Variants in ZYG11B observed in about 807,000 individuals in gnomAD.
The protein encoded by ZYG11B is protein zyg-11 homolog B.
In ZYG11B, 36 loss-of-function variants were observed where a neutral mutation model predicts 82.4. The observed-to-expected ratio is 0.44, with a 90% CI of 0.33 to 0.58. The LOEUF is 0.58. ZYG11B is among the 20% of genes least tolerant of loss of function. The probability of loss-of-function intolerance (pLI) is 0.02; values close to 1 mark genes in which losing one functional copy is unlikely to be tolerated. For missense variants in ZYG11B, 552 were observed against 895.6 expected, an observed-to-expected ratio of 0.62 and a Z score of 4.90; for synonymous variants, 303 against 312.8, an observed-to-expected ratio of 0.97 and a Z score of 0.33.
intron 10 of ZYG11B, among the ~76,000 whole-genome samples, chr1:52,802,523 G>A (rs1007490646): frequency 6.6e-6 from 1 of 151,178 alleles, no homozygotes; most frequent in Non-Finnish European, 1.5e-5. Context: ...GCTAATTTTT[G>A]TATTTTTTGT....
intron 6 of ZYG11B, among the ~76,000 whole-genome samples, chr1:52,793,373 G>A (rs932525262): frequency 2.6e-5 from 4 of 151,986 alleles, no homozygotes; most frequent in Non-Finnish European, 5.9e-5. Flanking sequence ...AGCCAGGTGT[G>A]GTGGCGGCTC....
chr1:52,795,823 A>G (rs1400235416), intron 6 of ZYG11B, among the ~76,000 whole-genome samples: 1 of 152,156 alleles, frequency 6.6e-6, no homozygotes, highest in African/African-American at 2.4e-5. Context: ...TGTAAGCTCT[A>G]TGAAAGTAGG....
intron 2 of ZYG11B, among the ~76,000 whole-genome samples, chr1:52,761,759 G>A (rs1488466913): frequency 6.6e-6 from 1 of 152,092 alleles, no homozygotes; most frequent in Non-Finnish European, 1.5e-5. Context: ...GAACCTTCAC[G>A]CTGCTTTCCA....
chr1:52,774,746 A>G (rs975737045), intron 3 of ZYG11B, among the ~76,000 whole-genome samples: 15 of 150,836 alleles, frequency 9.9e-5, no homozygotes, highest in Non-Finnish European at 1.8e-4. Flanking sequence ...TTACCATAGA[A>G]TTTCCAGCTC....
intron 6 of ZYG11B, among the ~76,000 whole-genome samples, chr1:52,795,577 G>C (rs1319457701): frequency 6.6e-6 from 1 of 151,982 alleles, no homozygotes; most frequent in Non-Finnish European, 1.5e-5. Flanking sequence ...CCACTTCAGG[G>C]CTGTTGTATT....
intron 5 of ZYG11B, among the ~76,000 whole-genome samples, chr1:52,786,290 T>C (rs1644911087): frequency 6.6e-6 from 1 of 152,122 alleles, no homozygotes; most frequent in Non-Finnish European, 1.5e-5. Flanking sequence ...GTAATGGTTA[T>C]AGAGTTTCCT....
intron 1 of ZYG11B, 111 bp downstream of exon 1, chr1:52,726,794 C>G: frequency 2.7e-6 from 3 of 1,124,810 alleles, no homozygotes; most frequent in Non-Finnish European, 3.5e-6. Flanking sequence ...CCCTCGGGCT[C>G]CCTGCCTTTA....
chr1:52,767,307 T>TGTTATGTTGTATTAC (rs1553259532), intron 2 of ZYG11B, among the ~76,000 whole-genome samples: 1 of 150,478 alleles, frequency 6.6e-6, no homozygotes, highest in African/African-American at 2.4e-5. Context: ...TTTTATTTTA[T>TGTTATGTTGTATTAC]GTTATGTTAT....
intron 2 of ZYG11B, among the ~76,000 whole-genome samples, chr1:52,764,851 A>G (rs1157443288): frequency 6.6e-6 from 1 of 152,186 alleles, no homozygotes; most frequent in Non-Finnish European, 1.5e-5. Context: ...GAGGGAAGTC[A>G]GTAACATAAA....
chr1:52,739,823 CTT>C (rs1644409660), intron 1 of ZYG11B, among the ~76,000 whole-genome samples: 1 of 152,048 alleles, frequency 6.6e-6, no homozygotes, highest in Non-Finnish European at 1.5e-5. Flanking sequence ...CCGGGCTGGT[CTT>C]GAACTCCTGA....
intron 1 of ZYG11B, among the ~76,000 whole-genome samples, chr1:52,734,258 A>G (rs1644358810): frequency 6.6e-6 from 1 of 152,026 alleles, no homozygotes; most frequent in South Asian, 2.1e-4. Flanking sequence ...TCAGCCCATC[A>G]AAGTGCTGGG....
chr1:52,776,408 C>G (rs1644810709), intron 3 of ZYG11B, among the ~76,000 whole-genome samples: 1 of 149,454 alleles, frequency 6.7e-6, no homozygotes. Context: ...GTGACAGATG[C>G]CTGTTGTCCC....
At chr1:52,815,150 T>C (rs1645212849) in intron 12 of ZYG11B, among the ~76,000 whole-genome samples, 1 of 151,720 alleles carries the variant, frequency 6.6e-6, no homozygotes, top group African/African-American at 2.4e-5. Context: ...AGAATGAGAC[T>C]CTCAAAAAAG....
At chr1:52,782,677 G>A (rs914809834) in intron 4 of ZYG11B, among the ~76,000 whole-genome samples, 3 of 152,004 alleles carry the variant, frequency 2.0e-5, no homozygotes, top group South Asian at 2.1e-4. Flanking sequence ...TCCAGGGCTC[G>A]AGCAATCCTC....
In ZYG11B at chr1:52,779,959, A is replaced by G. The variant is rs1228810156; in HGVS notation, c.1058A>G (p.His353Arg). 1 of 1,613,728 alleles carries G rather than the reference A, an allele frequency of 6.2e-7. No homozygotes were observed. The highest frequency in any genetic ancestry group is 8.5e-7 in the Non-Finnish European group (1 of 1,179,912). The change falls in exon 4 of 14, where the codon CAT becomes CGT. Residue 353 changes from histidine (H) to arginine (R), a missense_variant. Physicochemically the swap from His to Arg is conservative, Grantham distance 29. Coordinates refer to ENST00000294353, the MANE Select transcript of ZYG11B (RefSeq NM_024646.3). ...CTATTTCATCTTTTTAGTCTGACTC[A>G]TGTGATGGAAAAAACAAAGCCAGAA... Reference protein sequence around the residue: ...EALFHLFSLTHVMEKTKPEIL... With the variant: ...EALFHLFSLTRVMEKTKPEIL...
At chr1:52,758,083 C>A (rs986714140) in intron 2 of ZYG11B, among the ~76,000 whole-genome samples, 14 of 151,218 alleles carry the variant, frequency 9.3e-5, no homozygotes, top group Admixed American at 6.6e-5. Flanking sequence ...ACCTGTAGTC[C>A]CAGCTGCTCA....
chr1:52,787,840 G>T (rs1644926714), intron 5 of ZYG11B, among the ~76,000 whole-genome samples: 1 of 151,430 alleles, frequency 6.6e-6, no homozygotes, highest in African/African-American at 2.4e-5. Context: ...AGTTGGAAAT[G>T]CAAATACTGT....
chr1:52,733,699 A>G (rs532876666), intron 1 of ZYG11B, among the ~76,000 whole-genome samples: 53 of 152,350 alleles, frequency 3.5e-4, no homozygotes, highest in African/African-American at 1.3e-3. Flanking sequence ...TTGATGTATC[A>G]TTTAAGAATC....
At chr1:52,808,943 A>G (rs1485044976) in intron 10 of ZYG11B, among the ~76,000 whole-genome samples, 2 of 152,010 alleles carry the variant, frequency 1.3e-5, no homozygotes, top group Non-Finnish European at 2.9e-5. Flanking sequence ...TACAAGTTCA[A>G]TTTAGGTGTT....
Sources: gnomAD v4.1 joint callset for allele counts (sites outside exome capture counted in the v4.1 genomes callset) on GRCh38, gnomAD v4.1.1 for gene constraint, MANE v1.5 for transcripts, NCBI Gene and HGNC (gene_info 2026-07-23, HGNC 2026-07-21) for gene names.